KIAA0319L: variants seen among roughly 807,000 people sequenced by gnomAD.
The protein encoded by KIAA0319L is KIAA0319 like.
KIAA0319L carries 55 observed loss-of-function variants against 120.1 expected under a neutral mutation model. The observed-to-expected ratio is 0.46, with a 90% CI of 0.37 to 0.57. The LOEUF (loss-of-function observed/expected upper bound fraction) is 0.57, where lower values mean the gene tolerates loss of function less well. Ranked by LOEUF, KIAA0319L falls within the 20% of genes least tolerant of loss-of-function variation. The pLI, the probability that KIAA0319L is intolerant of heterozygous loss-of-function variation, is 0.00. For synonymous variants in KIAA0319L, 398 were observed against 471.9 expected (o/e 0.84, Z 2.03); for missense variants, 1,049 against 1,255.3 (o/e 0.84, Z 2.48).
At chr1:35,445,355 T>TG (rs1641542282) in intron 16 of KIAA0319L, among the ~76,000 whole-genome samples, 1 of 152,236 alleles carries the variant, frequency 6.6e-6, no homozygotes, top group African/African-American at 2.4e-5. Context: ...TGTGGTCCGT[T>TG]GCCCATTATC....
chr1:35,451,842 A>G, intron 12 of KIAA0319L, 66 bp from the exon 13 acceptor site: 2 of 1,526,418 alleles, frequency 1.3e-6, no homozygotes, highest in South Asian at 2.4e-5. Context: ...CTAACTTAGC[A>G]GGAGGAGACA....
At chr1:35,458,598 C>T (rs978727939) in intron 9 of KIAA0319L, among the ~76,000 whole-genome samples, 1 of 152,144 alleles carries the variant, frequency 6.6e-6, no homozygotes, top group Non-Finnish European at 1.5e-5. Context: ...TAGAGTTAGA[C>T]TGTGTGACCT....
intron 2 of KIAA0319L, among the ~76,000 whole-genome samples, chr1:35,549,848 C>G (rs1195931231): frequency 1.3e-5 from 2 of 152,138 alleles, no homozygotes; most frequent in Non-Finnish European, 2.9e-5. Flanking sequence ...TTAATTTATT[C>G]AGTCAACAAA....
intron 2 of KIAA0319L, among the ~76,000 whole-genome samples, chr1:35,526,009 G>A (rs1402032295): frequency 6.6e-6 from 1 of 151,956 alleles, no homozygotes; most frequent in African/African-American, 2.4e-5. Context: ...GTTGATTTTT[G>A]TATATGATGA....
In KIAA0319L at chr1:35,526,498, T is replaced by C. The variant is rs368236677; in HGVS notation, c.143-19363A>G. Among the ~76,000 whole-genome samples, 57 of 149,298 alleles carry C rather than the reference T, an allele frequency of 3.8e-4. 1 individual carries two copies. The highest frequency in any genetic ancestry group is 1.4e-3 in the African/African-American group (57 of 40,692). ...TCTCGCTTTGTTGCCCAGGCTGGAG[T>C]GTAGTGGTCCAATCTTAGCTCACTG... On this transcript the variant is annotated intron_variant, in intron 2 of 20. Transcript: ENST00000325722.
At chr1:35,489,364 A>G (rs762026027) in intron 3 of KIAA0319L, among the ~76,000 whole-genome samples, 1 of 152,218 alleles carries the variant, frequency 6.6e-6, no homozygotes, top group Non-Finnish European at 1.5e-5. Context: ...GTGATAAAAA[A>G]CAGTGATCCC....
Position 35,434,595 on chromosome 1 carries a change from T to G in KIAA0319L, c.*299A>C. 8.0e-6 allele frequency: 3 copies of G among 375,738 alleles called. No individual in the cohort carries two copies. Among genetic ancestry groups the G allele is most frequent in the Non-Finnish European group, 1.5e-5 (3 of 206,068 alleles). 23.3% of individuals were successfully genotyped at this position (375,738 alleles called of 1,614,324 possible). On this transcript the variant is annotated 3_prime_UTR_variant, in exon 21 of 21. Coordinates refer to ENST00000325722, the MANE Select transcript of KIAA0319L (RefSeq NM_024874.5). ...ACTGTCCACTGGGGAGCTGCAGAGC[T>G]TAGCAGCTGGCTGGGTCTGCCCTCG...
intron 8 of KIAA0319L, among the ~76,000 whole-genome samples, chr1:35,461,964 C>T (rs1049177965): frequency 1.3e-5 from 2 of 152,020 alleles, no homozygotes; most frequent in Non-Finnish European, 2.9e-5. Flanking sequence ...GGACCTTAAC[C>T]GGTCTCAAAA....
At chr1:35,509,519 G>T (rs1336013203) in intron 2 of KIAA0319L, among the ~76,000 whole-genome samples, 1 of 152,190 alleles carries the variant, frequency 6.6e-6, no homozygotes, top group East Asian at 1.9e-4. Context: ...GGAGCAATAC[G>T]GCTGCAAGCC....
At chr1:35,468,900 T>C (rs1041518149) in intron 6 of KIAA0319L, among the ~76,000 whole-genome samples, 2 of 152,236 alleles carry the variant, frequency 1.3e-5, no homozygotes, top group African/African-American at 4.8e-5. Context: ...ATTTCTCCAG[T>C]TTTTAGTTTT....
intron 2 of KIAA0319L, among the ~76,000 whole-genome samples, chr1:35,524,226 G>A (rs906545001): frequency 6.6e-6 from 1 of 152,172 alleles, no homozygotes; most frequent in Non-Finnish European, 1.5e-5. Context: ...ATATTCCCTG[G>A]TTGTTGCTAG....
intron 4 of KIAA0319L, 30 bp downstream of exon 4, chr1:35,478,936 C>T (rs754664279): frequency 5.0e-6 from 8 of 1,602,380 alleles, no homozygotes; most frequent in Admixed American, 1.7e-5. Flanking sequence ...TCTACTTTTT[C>T]CTTCTATCTC....
Position 35,503,892 on chromosome 1 carries a change from T to C in KIAA0319L, c.666+2720A>G, listed in dbSNP as rs537330857. 2.0e-5 allele frequency among the ~76,000 whole-genome samples: 3 copies of C among 151,672 alleles called. No individual in the cohort carries two copies. The South Asian group carries it at 6.3e-4, about 32-fold the overall frequency. On this transcript the variant is annotated intron_variant, in intron 3 of 20. Coordinates refer to ENST00000325722, the MANE Select transcript of KIAA0319L (RefSeq NM_024874.5). ...ATATTTTCCCTTGTGATTTTCTTTTTTTTTTTTTTTTGAGACAGAGTCTTG... is the reference window on the plus strand; with the variant it reads ...ATATTTTCCCTTGTGATTTTCTTTTCTTTTTTTTTTTGAGACAGAGTCTTG...
At chr1:35,436,256 C>T (rs943926127) in intron 20 of KIAA0319L, among the ~76,000 whole-genome samples, 1 of 152,222 alleles carries the variant, frequency 6.6e-6, no homozygotes, top group South Asian at 2.1e-4. Context: ...CCCTGATGCG[C>T]CTGCCATTCA....
intron 3 of KIAA0319L, among the ~76,000 whole-genome samples, chr1:35,484,815 T>TATTATACTCTAAGTTTTAGGGTACA (rs1558440774): frequency 7.2e-6 from 1 of 139,660 alleles, no homozygotes; most frequent in Non-Finnish European, 1.5e-5. Flanking sequence ...TATTTTTTTT[T>TATTATACTCTAAGTTTTAGGGTACA]TTATTATACT....
At chr1:35,465,457 T>A (rs1157174531) in intron 7 of KIAA0319L, among the ~76,000 whole-genome samples, 1 of 152,212 alleles carries the variant, frequency 6.6e-6, no homozygotes, top group Non-Finnish European at 1.5e-5. Context: ...AACGGCTATA[T>A]TTATCCAAGC....
chr1:35,491,732 A>C (rs971738365), intron 3 of KIAA0319L, among the ~76,000 whole-genome samples: 1 of 152,212 alleles, frequency 6.6e-6, no homozygotes, highest in Non-Finnish European at 1.5e-5. Context: ...TAACTAGTCT[A>C]ATCAGGAGAA....
At position 35,449,881 on chromosome 1, in the gene KIAA0319L, A is replaced by C; in HGVS notation, c.2339T>G (p.Val780Gly). The C allele has an allele frequency of 6.2e-7, 1 of 1,614,140 alleles. No homozygotes were observed. The highest frequency in any genetic ancestry group is 8.5e-7 in the Non-Finnish European group (1 of 1,180,010). Residue 780 changes from valine (V) to glycine (G), a missense_variant, in exon 15 of 21, where the codon GTG (valine) becomes GGG (glycine). Physicochemically the swap from Val to Gly is moderately radical, Grantham distance 109. Coordinates refer to ENST00000325722, the MANE Select transcript of KIAA0319L (RefSeq NM_024874.5). ...KGESDTDRTTVEVKPDPRKNN... is the reference protein window; with the variant it reads ...KGESDTDRTTGEVKPDPRKNN... ...AATGAACTCACCAGGTTTCACCTCC[A>C]CAGTGGTCCGGTCTGTGTCACTCTC...
intron 7 of KIAA0319L, among the ~76,000 whole-genome samples, chr1:35,464,799 C>T (rs1643138191): frequency 6.6e-6 from 1 of 152,232 alleles, no homozygotes; most frequent in Non-Finnish European, 1.5e-5. Context: ...GTGCTGTGTG[C>T]AGCCTAGGGA....
Sources: gnomAD v4.1 joint callset for allele counts (sites outside exome capture counted in the v4.1 genomes callset) on GRCh38, gnomAD v4.1.1 for gene constraint, MANE v1.5 for transcripts, NCBI Gene and HGNC (gene_info 2026-07-23, HGNC 2026-07-21) for gene names.